The following PIEZO2 variants were observed in gnomAD, a reference collection of about 807,000 sequenced individuals.
PIEZO2 encodes piezo type mechanosensitive ion channel component 2, also known as piezo-type mechanosensitive ion channel component 2.
In PIEZO2, 172 loss-of-function variants were observed where a neutral mutation model predicts 337.3. The ratio of observed to expected loss-of-function variants is 0.51; its 90% CI spans 0.45 to 0.58. PIEZO2 has a LOEUF of 0.58. Among genes scored for constraint, PIEZO2 ranks in the 20% least tolerant of loss-of-function variants. PIEZO2 has a pLI of 0.00. For missense variants in PIEZO2, 3,028 were observed against 3,391.3 expected (o/e 0.89, Z 2.66); for synonymous variants, 1,251 against 1,228.5 (o/e 1.02, Z -0.38).
intron 36 of PIEZO2, among the ~76,000 whole-genome samples, chr18:10,720,680 G>C (rs1448703858): frequency 3.3e-5 from 5 of 151,578 alleles, no homozygotes. Flanking sequence ...CCTGGGCTCA[G>C]GTGATCCTTC....
chr18:10,884,817 A>C (rs1392678136), intron 4 of PIEZO2, among the ~76,000 whole-genome samples: 2 of 152,222 alleles, frequency 1.3e-5, no homozygotes, highest in Non-Finnish European at 2.9e-5. Flanking sequence ...TCCTCTTTAT[A>C]AACACTGGGT....
At chr18:10,728,431 A>G (rs2036625662) in intron 36 of PIEZO2, 1 of 152,200 alleles carries the variant, frequency 6.6e-6, no homozygotes. Flanking sequence ...ATGACGTATA[A>G]ATGTTTGTGC....
intron 34 of PIEZO2, 38 bp downstream of exon 34, chr18:10,736,566 C>G: frequency 6.5e-7 from 1 of 1,536,078 alleles, no homozygotes; most frequent in South Asian, 1.2e-5. Flanking sequence ...AAGAAAAGCT[C>G]TTCCAACTAG....
At chr18:10,932,633 A>G (rs1414116788) in intron 3 of PIEZO2, among the ~76,000 whole-genome samples, 1 of 152,160 alleles carries the variant, frequency 6.6e-6, no homozygotes, top group African/African-American at 2.4e-5. Flanking sequence ...AAGGAAAAGA[A>G]AAGGAAAAGC....
intron 7 of PIEZO2, among the ~76,000 whole-genome samples, chr18:10,818,871 C>T (rs1347036881): frequency 6.6e-6 from 1 of 152,156 alleles, no homozygotes; most frequent in Non-Finnish European, 1.5e-5. Flanking sequence ...GTCTCATTTT[C>T]AGTTAGAATA....
intron 36 of PIEZO2, among the ~76,000 whole-genome samples, chr18:10,721,942 T>G (rs1002697703): frequency 1.3e-5 from 2 of 152,018 alleles, no homozygotes; most frequent in Non-Finnish European, 2.9e-5. Flanking sequence ...GATCACAAGA[T>G]CAGGAGATCT....
chr18:11,061,492 T>A lies in PIEZO2; in HGVS notation c.160+4635A>T, dbSNP rs552848825. 2.6e-5 allele frequency among the ~76,000 whole-genome samples: 4 copies of A among 152,136 alleles called. No individual in the cohort carries two copies. The East Asian group carries it at 5.8e-4, about 22-fold the overall frequency. The stretch of plus-strand genomic sequence containing the variant: ...TTCCTGTTTGCAGATGACATGATTG[T>A]ATATCTAGAAAACCGAATCGTCTCA... On this transcript the variant is annotated intron_variant, in intron 2 of 55. Coordinates refer to ENST00000674853, the MANE Select transcript of PIEZO2 (RefSeq NM_001378183.1).
At chr18:10,884,118 C>T (rs1201831199) in intron 4 of PIEZO2, among the ~76,000 whole-genome samples, 7 of 152,162 alleles carry the variant, frequency 4.6e-5, no homozygotes, top group Admixed American at 4.6e-4. Flanking sequence ...GCCTATGAGT[C>T]CTACTTCTTT....
At chr18:10,906,355 G>A (rs2029918457) in intron 4 of PIEZO2, among the ~76,000 whole-genome samples, 1 of 152,030 alleles carries the variant, frequency 6.6e-6, no homozygotes, top group African/African-American at 2.4e-5. Flanking sequence ...AATTAAAAAC[G>A]GGCAAGAGAT....
chr18:10,862,181 T>C lies in PIEZO2; in HGVS notation c.493-4970A>G, dbSNP rs190235154. 1.1e-4 allele frequency among the ~76,000 whole-genome samples: 16 copies of C among 152,156 alleles called. No individual in the cohort carries two copies. The highest frequency in any genetic ancestry group is 3.4e-4 in the African/African-American group (14 of 41,536). On this transcript the variant is annotated intron_variant, in intron 5 of 55. Transcript: ENST00000674853. The surrounding 1 kb of genome is among the most constrained non-coding windows in gnomAD (Gnocchi z 4.4). ...TGTATACATGTATCAAAATACCACA[T>C]TATATACCCCATAAATATATATAAT...
intron 1 of PIEZO2, among the ~76,000 whole-genome samples, chr18:11,141,720 G>A (rs531451069): frequency 6.6e-6 from 1 of 152,154 alleles, no homozygotes; most frequent in African/African-American, 2.4e-5. Context: ...AAGGCCCCGG[G>A]GAGACAGGAT....
At chr18:11,088,451 AG>A (rs2038975145) in intron 1 of PIEZO2, among the ~76,000 whole-genome samples, 1 of 152,174 alleles carries the variant, frequency 6.6e-6, no homozygotes, top group Admixed American at 6.5e-5. Flanking sequence ...GGATATTCAT[AG>A]GAGAACCCCT....
chr18:11,071,291 TTC>T (rs1568348209), intron 1 of PIEZO2, among the ~76,000 whole-genome samples: 1 of 152,202 alleles, frequency 6.6e-6, no homozygotes, highest in African/African-American at 2.4e-5. Flanking sequence ...CAAGCTCGGA[TTC>T]TCTTTCCAGC....
At chr18:11,145,508 A>G (rs1291113748) in intron 1 of PIEZO2, among the ~76,000 whole-genome samples, 1 of 152,242 alleles carries the variant, frequency 6.6e-6, no homozygotes, top group Admixed American at 6.5e-5. Flanking sequence ...GTAAGCTTCT[A>G]CAAAGGCTTA....
At chr18:10,787,475 T>C (rs957367298) in intron 15 of PIEZO2, among the ~76,000 whole-genome samples, 1 of 152,122 alleles carries the variant, frequency 6.6e-6, no homozygotes, top group Non-Finnish European at 1.5e-5. Flanking sequence ...TGCTTATGGG[T>C]TCCTGCAAGC....
At chr18:11,130,959 G>C (rs548380438) in intron 1 of PIEZO2, among the ~76,000 whole-genome samples, 2 of 152,368 alleles carry the variant, frequency 1.3e-5, no homozygotes, top group African/African-American at 4.8e-5. Context: ...TGACCCAGCA[G>C]ATCCAATGGT....
intron 7 of PIEZO2, among the ~76,000 whole-genome samples, chr18:10,823,627 C>G (rs1169284740): frequency 6.6e-6 from 1 of 152,054 alleles, no homozygotes; most frequent in Non-Finnish European, 1.5e-5. Flanking sequence ...TGGAAACAAC[C>G]CAGTTCAAAA....
rs138720181 is a variant in PIEZO2, at chr18:11,147,296, C to G, written c.64+1229G>C. ...GGTCCCTCCTGCTGCCCCGGGACCC[C>G]GCCTGGCCACACCTTCCCTCCACTC... is the stretch of plus-strand genomic sequence containing the variant. On this transcript the variant is annotated intron_variant, in intron 1 of 55. Coordinates refer to ENST00000674853, the MANE Select transcript of PIEZO2 (RefSeq NM_001378183.1). Among the ~76,000 whole-genome samples the G allele has an allele frequency of 6.6e-3, 1,005 of 152,252 alleles. 15 individuals are homozygous for G. Among genetic ancestry groups the G allele is most frequent in the African/African-American group, 0.023 (957 of 41,548 alleles).
At chr18:10,883,391 A>G (rs8092452) in intron 4 of PIEZO2, among the ~76,000 whole-genome samples, 11,277 of 152,168 alleles carry the variant, frequency 0.074, 1,385 homozygotes, top group African/African-American at 0.25. Flanking sequence ...CCAAGAGTGT[A>G]CAAGGGTTTC....
Sources: gnomAD v4.1 joint callset for allele counts (sites outside exome capture counted in the v4.1 genomes callset) on GRCh38, gnomAD v4.1.1 for gene constraint, Gnocchi (gnomAD v3.1) non-coding constraint, MANE v1.5 for transcripts, NCBI Gene and HGNC (gene_info 2026-07-23, HGNC 2026-07-21) for gene names.